The following CDH11 variants were observed in gnomAD, a reference collection of about 807,000 sequenced individuals.
The protein encoded by CDH11 is cadherin-11.
CDH11 carries 11 observed loss-of-function variants against 67.8 expected under a neutral mutation model. That is an observed-to-expected ratio of 0.16 (90% CI 0.10 to 0.27). The LOEUF (loss-of-function observed/expected upper bound fraction) is 0.27. CDH11 is among the 10% of genes least tolerant of loss of function. The pLI, the probability that CDH11 is intolerant of heterozygous loss-of-function variation, is 1.00. For missense variants in CDH11, 847 were observed against 1,031.2 expected (o/e 0.82, Z 2.45); for synonymous variants, 419 against 400.0 (o/e 1.05, Z -0.57).
rs959814286 is a variant in CDH11, at chr16:65,121,678, G to A, written c.-298+202C>T. Among the ~76,000 whole-genome samples, 2 of 152,322 alleles carry A rather than the reference G, an allele frequency of 1.3e-5. No individual in the cohort carries two copies. Among genetic ancestry groups the A allele is most frequent in the South Asian group, 4.1e-4 (2 of 4,828 alleles). ...GTCCCCTGCTTTGCCCGCGCCCACA[G>A]CTGGCTCCCTTCTCCCTTTCTGATT... On this transcript the variant is annotated intron_variant, in intron 1 of 12. Coordinates refer to ENST00000268603, the MANE Select transcript of CDH11 (RefSeq NM_001797.4). This position sits in a 1 kb window ranked among gnomAD's most constrained non-coding sequence, Gnocchi z 4.1.
At chr16:65,078,007 T>C (rs1415971993) in intron 1 of CDH11, among the ~76,000 whole-genome samples, 5 of 152,190 alleles carry the variant, frequency 3.3e-5, no homozygotes, top group African/African-American at 9.6e-5. Flanking sequence ...AGCAATTAGG[T>C]TGATCCTCTG....
intron 2 of CDH11, among the ~76,000 whole-genome samples, chr16:65,053,358 C>T (rs1567550804): frequency 6.6e-6 from 1 of 151,978 alleles, no homozygotes; most frequent in Non-Finnish European, 1.5e-5. Context: ...GGCTCGTGAT[C>T]GAGGGCCATG....
chr16:64,993,338 A>T lies in CDH11; in HGVS notation c.524-304T>A, dbSNP rs148280643. On this transcript the variant is annotated intron_variant, in intron 4 of 12. Coordinates refer to ENST00000268603, the MANE Select transcript of CDH11 (RefSeq NM_001797.4). ...TAATATTATAAATATTATTGCAAAA[A>T]TATCTTACAACTCATGCACTTGAAA... Among the ~76,000 whole-genome samples, 84 of 152,206 alleles carry T rather than the reference A, an allele frequency of 5.5e-4. 3 individuals are homozygous for T. The East Asian group carries it at 0.013, about 24-fold the overall frequency.
intron 2 of CDH11, among the ~76,000 whole-genome samples, chr16:65,045,141 C>CCCCT (rs974694169): frequency 1.7e-4 from 25 of 151,442 alleles, no homozygotes; most frequent in Middle Eastern, 3.4e-3. Context: ...AATCACCATC[C>CCCCT]CCCTAGGTCC....
intron 2 of CDH11, among the ~76,000 whole-genome samples, chr16:65,028,121 C>A (rs2073569116): frequency 6.6e-6 from 1 of 152,228 alleles, no homozygotes; most frequent in Admixed American, 6.5e-5. Flanking sequence ...CATCCCTCTT[C>A]TGTGGCGATG....
At chr16:65,016,564 G>A (rs1309572147) in intron 2 of CDH11, among the ~76,000 whole-genome samples, 1 of 152,144 alleles carries the variant, frequency 6.6e-6, no homozygotes. Context: ...TGACTTGCCT[G>A]ACAGAAATAT....
chr16:65,065,048 C>T (rs566711257), intron 1 of CDH11, among the ~76,000 whole-genome samples: 2 of 152,226 alleles, frequency 1.3e-5, no homozygotes, highest in South Asian at 4.1e-4. Flanking sequence ...ATTAATATCA[C>T]GGGTCAGGTC....
rs766299933 is a variant in CDH11 at position 64,947,880 on chromosome 16, C to T, written c.2114G>A (p.Arg705Lys). The stretch of plus-strand genomic sequence containing the variant: ...GTTGGGCGCTGGCCGGAGCCCAGGT[C>T]TAGGCATGTACTGATACTCAGGTTT... ...DIKPEYQYMP[R>K]PGLRPAPNSV... Residue 705 changes from arginine to lysine, a missense_variant, in exon 13 of 13, where the codon AGA becomes AAA. By Grantham distance (26) the Arg-to-Lys change is conservative. This residue lies in a region of CDH11 where 612 missense variants were observed against 678.7 expected (regional missense o/e 0.90). Transcript: ENST00000268603. 1 of 1,614,178 alleles carries T rather than the reference C, an allele frequency of 6.2e-7. No individual in the cohort carries two copies. Among genetic ancestry groups the T allele is most frequent in the East Asian group, 2.2e-5 (1 of 44,874 alleles).
intron 2 of CDH11, among the ~76,000 whole-genome samples, chr16:65,039,698 A>G (rs1326826015): frequency 1.3e-5 from 2 of 152,194 alleles, no homozygotes; most frequent in Non-Finnish European, 2.9e-5. Context: ...ACAAAAGCCA[A>G]AATTGACAAA....
At chr16:65,039,611 A>C (rs1239035370) in intron 2 of CDH11, among the ~76,000 whole-genome samples, 1 of 152,208 alleles carries the variant, frequency 6.6e-6, no homozygotes, top group African/African-American at 2.4e-5. Context: ...AAAACCCTAG[A>C]AGAAAACCTA....
intron 4 of CDH11, among the ~76,000 whole-genome samples, chr16:64,995,074 G>A (rs896606744): frequency 1.3e-5 from 2 of 152,070 alleles, no homozygotes; most frequent in Admixed American, 6.5e-5. Context: ...CAAACAAATG[G>A]AATATTGATC....
intron 1 of CDH11, among the ~76,000 whole-genome samples, chr16:65,109,534 G>A (rs535532502): frequency 6.6e-6 from 1 of 152,184 alleles, no homozygotes; most frequent in Non-Finnish European, 1.5e-5. Context: ...AAGAAGGTGT[G>A]CAGACTGTCC....
chr16:65,100,465 A>G (rs2074971638), intron 1 of CDH11, among the ~76,000 whole-genome samples: 1 of 152,146 alleles, frequency 6.6e-6, no homozygotes, highest in Non-Finnish European at 1.5e-5. Context: ...CTGGCTGGAC[A>G]TGGTGGCTCA....
chr16:64,968,244 C>T, intron 11 of CDH11: 1 of 174,480 alleles, frequency 5.7e-6, no homozygotes, highest in Non-Finnish European at 1.1e-5. Context: ...ACCTGCCTGC[C>T]CTATGCGACT....
intron 1 of CDH11, among the ~76,000 whole-genome samples, chr16:65,065,250 C>T (rs1174141090): frequency 6.6e-6 from 1 of 152,126 alleles, no homozygotes; most frequent in Non-Finnish European, 1.5e-5. Flanking sequence ...CACCTCATGC[C>T]CCTCCCTGTG....
chr16:65,106,539 A>G (rs1428457439), intron 1 of CDH11, among the ~76,000 whole-genome samples: 1 of 152,180 alleles, frequency 6.6e-6, no homozygotes, highest in Non-Finnish European at 1.5e-5. Context: ...TCTTATTAAT[A>G]TGCATTAGAG....
At chr16:64,970,383 T>C (rs1049992928) in intron 11 of CDH11, among the ~76,000 whole-genome samples, 1 of 152,210 alleles carries the variant, frequency 6.6e-6, no homozygotes, top group Non-Finnish European at 1.5e-5. Flanking sequence ...GTTAAGGCTA[T>C]AGCATCTGGC....
intron 2 of CDH11, among the ~76,000 whole-genome samples, chr16:65,009,750 C>T (rs1455799304): frequency 1.3e-5 from 2 of 152,120 alleles, no homozygotes; most frequent in Admixed American, 6.5e-5. Context: ...TATAGGAGGA[C>T]TTTATTTTAT....
At chr16:65,077,908 T>G (rs1333635203) in intron 1 of CDH11, among the ~76,000 whole-genome samples, 1 of 152,214 alleles carries the variant, frequency 6.6e-6, no homozygotes, top group African/African-American at 2.4e-5. Flanking sequence ...AGAAATGCAT[T>G]TGTAGGCTCT....
Sources: allele counts gnomAD v4.1 joint callset (sites outside exome capture counted in the v4.1 genomes callset), GRCh38; gene constraint gnomAD v4.1.1; regional missense constraint gnomAD v4.1.1; non-coding constraint Gnocchi (gnomAD v3.1); transcripts MANE v1.5; gene names NCBI Gene and HGNC (gene_info 2026-07-23, HGNC 2026-07-21).